Variants in SEMA3A observed in about 807,000 individuals in gnomAD.
SEMA3A encodes the protein semaphorin-3A.
A neutral mutation model predicts 97.9 loss-of-function variants in SEMA3A; 29 were observed. That is an observed-to-expected ratio of 0.30 (90% CI 0.22 to 0.40). The LOEUF (loss-of-function observed/expected upper bound fraction) is 0.40. Among genes scored for constraint, SEMA3A ranks in the 10% least tolerant of loss-of-function variants. The probability of loss-of-function intolerance (pLI) is 1.00; values close to 1 mark genes in which losing one functional copy is unlikely to be tolerated. For synonymous variants in SEMA3A, 321 were observed against 323.7 expected (o/e 0.99, Z 0.09); for missense variants, 763 against 951.3 (o/e 0.80, Z 2.60).
intron 3 of SEMA3A, among the ~76,000 whole-genome samples, chr7:84,216,457 A>G (rs1298671295): frequency 1.3e-5 from 2 of 152,114 alleles, no homozygotes; most frequent in South Asian, 4.1e-4. Context: ...TTGCATTAGG[A>G]TATTAAGAAT....
At chr7:84,481,897 CAA>C (rs1463456686) in intron 1 of SEMA3A, among the ~76,000 whole-genome samples, 1 of 151,650 alleles carries the variant, frequency 6.6e-6, no homozygotes, top group African/African-American at 2.4e-5. Flanking sequence ...TTTAATTACT[CAA>C]GAGTAGTTTA....
chr7:84,068,773 G>T (rs1041781400), intron 4 of SEMA3A, among the ~76,000 whole-genome samples: 1 of 152,048 alleles, frequency 6.6e-6, no homozygotes, highest in South Asian at 2.1e-4. Flanking sequence ...TGCAGTATTT[G>T]ATTTACAAGG....
chr7:83,986,427 T>C (rs922437837), intron 12 of SEMA3A, among the ~76,000 whole-genome samples: 1 of 152,170 alleles, frequency 6.6e-6, no homozygotes, highest in African/African-American at 2.4e-5. Context: ...CTGGAGCTTA[T>C]CATGAATGCA....
chr7:84,459,590 T>C (rs1805772141), intron 1 of SEMA3A, among the ~76,000 whole-genome samples: 1 of 152,352 alleles, frequency 6.6e-6, no homozygotes, highest in African/African-American at 2.4e-5. Context: ...ATACAGGATC[T>C]GAATCACAAA....
intron 1 of SEMA3A, among the ~76,000 whole-genome samples, chr7:84,192,800 A>T (rs7800664): frequency 0.64 from 96,568 of 151,704 alleles, 30,981 homozygotes; most frequent in East Asian, 0.76. Flanking sequence ...TAAAATATAT[A>T]TCATGATTTT....
intron 3 of SEMA3A, among the ~76,000 whole-genome samples, chr7:84,249,637 C>T (rs1429492001): frequency 6.6e-6 from 1 of 151,872 alleles, no homozygotes; most frequent in East Asian, 1.9e-4. Context: ...AAACCAAATA[C>T]TATATGATAC....
intron 4 of SEMA3A, among the ~76,000 whole-genome samples, chr7:84,088,769 T>C (rs1406079552): frequency 1.3e-5 from 2 of 152,066 alleles, no homozygotes; most frequent in African/African-American, 4.8e-5. Flanking sequence ...GAATATGAAA[T>C]AGTAGTTGGA....
intron 15 of SEMA3A, among the ~76,000 whole-genome samples, chr7:83,965,736 A>C (rs1162068241): frequency 1.8e-4 from 20 of 111,774 alleles, no homozygotes; most frequent in Middle Eastern, 9.1e-3. Flanking sequence ...GCTGGAGTTC[A>C]GTGGTGCGAT....
intron 1 of SEMA3A, among the ~76,000 whole-genome samples, chr7:84,192,030 C>T (rs1798058213): frequency 6.6e-6 from 1 of 151,830 alleles, no homozygotes; most frequent in South Asian, 2.1e-4. Context: ...ACAGTGATTG[C>T]CAGAAACTTC....
chr7:84,395,620 G>T (rs1803711418), intron 1 of SEMA3A, among the ~76,000 whole-genome samples: 1 of 151,912 alleles, frequency 6.6e-6, no homozygotes, highest in Non-Finnish European at 1.5e-5. Flanking sequence ...TCATGGGGGT[G>T]GTTTCCCCCA....
At chr7:84,176,468 T>C (rs748427739) in intron 1 of SEMA3A, among the ~76,000 whole-genome samples, 2 of 152,152 alleles carry the variant, frequency 1.3e-5, no homozygotes, top group East Asian at 1.9e-4. Context: ...TCTTCTAAGA[T>C]GTATGAGCAT....
At chr7:84,392,938 T>C (rs1430806715) in intron 1 of SEMA3A, among the ~76,000 whole-genome samples, 2 of 152,134 alleles carry the variant, frequency 1.3e-5, no homozygotes, top group African/African-American at 4.8e-5. Context: ...ATATTTTGGA[T>C]ACTAATTCCT....
At chr7:84,395,310 C>G (rs1803697307) in intron 1 of SEMA3A, among the ~76,000 whole-genome samples, 1 of 151,466 alleles carries the variant, frequency 6.6e-6, no homozygotes, top group South Asian at 2.1e-4. Context: ...AAACTGTTAA[C>G]TGCAATTCAG....
chr7:84,079,262 T>A (rs979727255), intron 4 of SEMA3A, among the ~76,000 whole-genome samples: 2 of 151,964 alleles, frequency 1.3e-5, no homozygotes, highest in Admixed American at 6.6e-5. Flanking sequence ...GAAGAAAACC[T>A]AGGCATTACC....
chr7:84,387,792 C>T (rs1010580580), intron 1 of SEMA3A, among the ~76,000 whole-genome samples: 2 of 152,176 alleles, frequency 1.3e-5, no homozygotes, highest in African/African-American at 4.8e-5. Context: ...TAAAACTCTA[C>T]ATTTGTTTGA....
intron 3 of SEMA3A, among the ~76,000 whole-genome samples, chr7:84,205,366 G>A (rs2116307113): frequency 6.6e-6 from 1 of 152,228 alleles, no homozygotes; most frequent in Admixed American, 6.5e-5. Flanking sequence ...TACTATAATA[G>A]TTTCAACAGG....
chr7:84,035,823 T>C (rs1048919447), intron 6 of SEMA3A, among the ~76,000 whole-genome samples: 1 of 152,068 alleles, frequency 6.6e-6, no homozygotes, highest in African/African-American at 2.4e-5. Flanking sequence ...TTATTTTTTC[T>C]ATGATTCCTG....
In SEMA3A at chr7:84,448,103, A is replaced by G. The variant is rs372821679; in HGVS notation, c.-246+44357T>C. 7.0e-4 allele frequency among the ~76,000 whole-genome samples: 106 copies of G among 151,908 alleles called. 1 individual carries two copies. The highest frequency in any genetic ancestry group is 2.4e-3 in the African/African-American group (98 of 41,418). On this transcript the variant is annotated intron_variant, in intron 1 of 3. Transcript: ENST00000424555. ...CCCTTCGTCGCTCCCTGCCTGGCTC[A>G]CCCTTGGCAGGTGTGGGTTCTGGGC...
At chr7:84,017,953 A>T (rs1791170700) in intron 6 of SEMA3A, among the ~76,000 whole-genome samples, 2 of 152,146 alleles carry the variant, frequency 1.3e-5, no homozygotes, top group Admixed American at 1.3e-4. Flanking sequence ...GCAAGGGTTT[A>T]AAACCCCATG....
Sources: gnomAD v4.1 joint callset for allele counts (sites outside exome capture counted in the v4.1 genomes callset) on GRCh38, gnomAD v4.1.1 for gene constraint, MANE v1.5 for transcripts, NCBI Gene and HGNC (gene_info 2026-07-23, HGNC 2026-07-21) for gene names.